CAMTA1: variants seen among roughly 807,000 people sequenced by gnomAD.
The protein encoded by CAMTA1 is calmodulin binding transcription activator 1, also known as calmodulin-binding transcription activator 1.
A neutral mutation model predicts 170.9 loss-of-function variants in CAMTA1; 27 were observed. The ratio of observed to expected loss-of-function variants is 0.16; its 90% confidence interval spans 0.12 to 0.22. CAMTA1 has a LOEUF of 0.22. Among genes scored for constraint, CAMTA1 ranks in the 10% least tolerant of loss-of-function variants. The pLI is 1.00. For missense variants in CAMTA1, 1,619 were observed against 2,217.2 expected, an observed-to-expected ratio of 0.73 and a Z score of 5.42; for synonymous variants, 833 against 891.5, an observed-to-expected ratio of 0.93 and a Z score of 1.17.
rs1045423914 is a variant in CAMTA1 at position 7,534,435 on chromosome 1, G to A, written c.510+66534G>A. Among the ~76,000 whole-genome samples, 1 of 152,204 alleles carries A rather than the reference G, an allele frequency of 6.6e-6. No individual in the cohort carries two copies. Among genetic ancestry groups the A allele is most frequent in the Non-Finnish European group, 1.5e-5 (1 of 68,040 alleles). ...GAGGAGAAGCCACTGTGGATGGAGT[G>A]TTATTTGTCCAAATGAATTTGTGTC... On this transcript the variant is annotated intron_variant, in intron 6 of 22. Transcript: ENST00000303635. The surrounding 1 kb of genome is among the most constrained non-coding windows in gnomAD (Gnocchi z 5.6).
chr1:6,945,498 A>C (rs1329376422), intron 3 of CAMTA1, among the ~76,000 whole-genome samples: 2 of 151,980 alleles, frequency 1.3e-5, no homozygotes, highest in African/African-American at 4.8e-5. Flanking sequence ...ACAGGTGTGC[A>C]CCACTACGCC....
In CAMTA1 at chr1:7,641,219, C is replaced by CG. The variant is rs1553231366; in HGVS notation, c.664+670dup. 6.6e-6 allele frequency among the ~76,000 whole-genome samples: 1 copy of CG among 152,186 alleles called. No individual in the cohort carries two copies. Among genetic ancestry groups the CG allele is most frequent in the Non-Finnish European group, 1.5e-5 (1 of 68,032 alleles). Reference sequence around the variant, plus strand: ...GTGGCTTCTCCTGCCCCCTGTTCAGCGGGGCTCGGGAAAAACAAACATGGG... The same window carrying CG: ...GTGGCTTCTCCTGCCCCCTGTTCAGCGGGGGCTCGGGAAAAACAAACATGGG... On this transcript the variant is annotated intron_variant, in intron 7 of 22. Coordinates refer to ENST00000303635, the MANE Select transcript of CAMTA1 (RefSeq NM_015215.4). This position sits in a 1 kb window ranked among gnomAD's most constrained non-coding sequence, Gnocchi z 4.5.
At chr1:7,660,514 A>G (rs1290649538) in intron 7 of CAMTA1, among the ~76,000 whole-genome samples, 1 of 152,180 alleles carries the variant, frequency 6.6e-6, no homozygotes, top group Non-Finnish European at 1.5e-5. Context: ...CTCCAGCCTG[A>G]GCAACAGAGT....
At chr1:7,698,308 T>C (rs376707065) in intron 11 of CAMTA1, 3 of 152,288 alleles carry the variant, frequency 2.0e-5, no homozygotes, top group African/African-American at 7.2e-5. Context: ...AAAAATTTCA[T>C]AATGTTTTAA....
At chr1:7,480,261 A>AGTG (rs879398823) in intron 6 of CAMTA1, among the ~76,000 whole-genome samples, 8 of 91,032 alleles carry the variant, frequency 8.8e-5, no homozygotes, top group Admixed American at 3.3e-4. Context: ...GCATGTGTGT[A>AGTG]TGTGTGTGAG....
At chr1:7,667,647 G>C (rs933012765) in intron 9 of CAMTA1, among the ~76,000 whole-genome samples, 1 of 152,258 alleles carries the variant, frequency 6.6e-6, no homozygotes, top group Admixed American at 6.5e-5. Context: ...GTGTCCTGGC[G>C]AGTGGGACAT....
chr1:7,225,335 C>T (rs1370911434), intron 4 of CAMTA1, among the ~76,000 whole-genome samples: 2 of 152,168 alleles, frequency 1.3e-5, no homozygotes, highest in African/African-American at 2.4e-5. Flanking sequence ...CCGCCTGCCT[C>T]GGCCTCCTAA....
chr1:7,235,820 C>A (rs951429427), intron 4 of CAMTA1, among the ~76,000 whole-genome samples: 1 of 151,980 alleles, frequency 6.6e-6, no homozygotes, highest in Non-Finnish European at 1.5e-5. Context: ...ACCTCTTTTA[C>A]GATTTTCAAT....
At chr1:7,495,178 C>A (rs1053641858) in intron 6 of CAMTA1, among the ~76,000 whole-genome samples, 1 of 152,172 alleles carries the variant, frequency 6.6e-6, no homozygotes, top group East Asian at 1.9e-4. Flanking sequence ...TAATTATCTC[C>A]AACCAGACAG....
intron 5 of CAMTA1, among the ~76,000 whole-genome samples, chr1:7,408,247 G>A (rs986083812): frequency 6.6e-6 from 1 of 152,224 alleles, no homozygotes; most frequent in African/African-American, 2.4e-5. Flanking sequence ...AGAGACTCCT[G>A]AGAATAGGGA....
intron 3 of CAMTA1, among the ~76,000 whole-genome samples, chr1:6,850,264 A>G (rs578013029): frequency 6.6e-6 from 1 of 152,232 alleles, no homozygotes; most frequent in Non-Finnish European, 1.5e-5. Flanking sequence ...TGTGCTAAAA[A>G]TATCATAAAA....
chr1:7,353,431 C>CTTT (rs34163773), intron 5 of CAMTA1, among the ~76,000 whole-genome samples: 4 of 139,000 alleles, frequency 2.9e-5, no homozygotes, highest in Admixed American at 7.2e-5. Context: ...TTCTTTCTCT[C>CTTT]TTTTTTTTTT....
chr1:7,476,841 G>A (rs891060246), intron 6 of CAMTA1, among the ~76,000 whole-genome samples: 17 of 152,108 alleles, frequency 1.1e-4, no homozygotes, highest in African/African-American at 3.6e-4. Flanking sequence ...AACAGTCATC[G>A]AAGGCTGCGG....
At chr1:7,522,956 T>G (rs530986598) in intron 6 of CAMTA1, among the ~76,000 whole-genome samples, 2 of 152,368 alleles carry the variant, frequency 1.3e-5, no homozygotes, top group Admixed American at 6.5e-5. Context: ...AACCTCTGCG[T>G]CCTGGATTCA....
At position 7,562,796 on chromosome 1, in the gene CAMTA1, C is replaced by G. The variant is rs1268471353; in HGVS notation, c.511-77604C>G. Among the ~76,000 whole-genome samples, 2 of 152,156 alleles carry G rather than the reference C, an allele frequency of 1.3e-5. No individual in the cohort carries two copies. Among genetic ancestry groups the G allele is most frequent in the African/African-American group, 4.8e-5 (2 of 41,424 alleles). On this transcript the variant is annotated intron_variant, in intron 6 of 22. Transcript: ENST00000303635. This position sits in a 1 kb window ranked among gnomAD's most constrained non-coding sequence, Gnocchi z 4.8. ...ACCCCACTTCTTGTTCTCATGGTCC[C>G]CAGGACCCCCAAGCAAGGCGGACGG...
At position 7,285,911 on chromosome 1, in the gene CAMTA1, T is replaced by A. The variant is rs146634917; in HGVS notation, c.438+36285T>A. 2.7e-3 allele frequency among the ~76,000 whole-genome samples: 406 copies of A among 152,284 alleles called. 5 individuals are homozygous for A. The highest frequency in any genetic ancestry group is 0.017 in the Middle Eastern group (5 of 294). The stretch of plus-strand genomic sequence containing the variant: ...CTCATGATAGGGGTGACCATGTACA[T>A]TTCTAAATCTGCTACAAATTCCCAG... On this transcript the variant is annotated intron_variant, in intron 5 of 22. Transcript: ENST00000303635.
At position 7,561,790 on chromosome 1, in the gene CAMTA1, G is replaced by A. The variant is rs1205501634; in HGVS notation, c.511-78610G>A. ...CAGGCCATGGTGTTAGCCTCTCCAC[G>A]CTACCTCCCACAAGCAGAAATGACT... On this transcript the variant is annotated intron_variant, in intron 6 of 22. Transcript: ENST00000303635. The surrounding 1 kb of genome is among the most constrained non-coding windows in gnomAD (Gnocchi z 5.3). Among the ~76,000 whole-genome samples, 2 of 151,842 alleles carry A rather than the reference G, an allele frequency of 1.3e-5. No homozygotes were observed. Among genetic ancestry groups the A allele is most frequent in the Admixed American group, 6.6e-5 (1 of 15,252 alleles).
At chr1:6,822,661 G>T (rs1045353406) in intron 2 of CAMTA1, among the ~76,000 whole-genome samples, 1 of 152,120 alleles carries the variant, frequency 6.6e-6, no homozygotes, top group African/African-American at 2.4e-5. Flanking sequence ...AAACTAGATT[G>T]AGAGAGTGCT....
At chr1:6,886,904 A>G (rs998338457) in intron 3 of CAMTA1, among the ~76,000 whole-genome samples, 26 of 152,212 alleles carry the variant, frequency 1.7e-4, no homozygotes, top group African/African-American at 5.3e-4. Flanking sequence ...TTAGGATGTT[A>G]CATTAATTGG....
Sources: allele counts gnomAD v4.1 joint callset (sites outside exome capture counted in the v4.1 genomes callset), GRCh38; gene constraint gnomAD v4.1.1; non-coding constraint Gnocchi (gnomAD v3.1); transcripts MANE v1.5; gene names NCBI Gene and HGNC (gene_info 2026-07-23, HGNC 2026-07-21).